TCF7L2: variants seen among roughly 807,000 people sequenced by gnomAD.
The protein encoded by TCF7L2 is transcription factor 7 like 2.
In TCF7L2, 23 loss-of-function variants were observed where a neutral mutation model predicts 77.9. That is an observed-to-expected ratio of 0.30 (90% CI 0.21 to 0.42). TCF7L2 has a LOEUF of 0.42. Among genes scored for constraint, TCF7L2 ranks in the 10% least tolerant of loss-of-function variants. The pLI is 1.00. For missense variants in TCF7L2, 654 were observed against 793.1 expected (o/e 0.82, Z 2.11); for synonymous variants, 413 against 340.2 (o/e 1.21, Z -2.36).
chr10:113,003,759 G>A (rs1165107458), intron 4 of TCF7L2, among the ~76,000 whole-genome samples: 2 of 152,226 alleles, frequency 1.3e-5, no homozygotes, highest in East Asian at 1.9e-4. Flanking sequence ...CCCACAGGCA[G>A]CGAGTATCAA....
intron 11 of TCF7L2, among the ~76,000 whole-genome samples, chr10:113,155,830 G>GGAGATGGTCCATTGCAGGCCCAT (rs1262790480): frequency 1.3e-5 from 2 of 152,244 alleles, no homozygotes; most frequent in African/African-American, 4.8e-5. Flanking sequence ...GCGCGGGCAT[G>GGAGATGGTCCATTGCAGGCCCAT]GAGATGGTCC....
chr10:113,025,880 ATTTT>A (rs369613114), intron 4 of TCF7L2, among the ~76,000 whole-genome samples: 1 of 143,542 alleles, frequency 7.0e-6, no homozygotes, highest in Non-Finnish European at 1.5e-5. Flanking sequence ...TTTTAAGTTA[ATTTT>A]TTTTTTTTTT....
intron 5 of TCF7L2, among the ~76,000 whole-genome samples, chr10:113,041,549 C>T (rs1025238551): frequency 6.6e-6 from 1 of 152,156 alleles, no homozygotes; most frequent in African/African-American, 2.4e-5. Context: ...TTCTCTCCTA[C>T]AGGAGGTGAA....
rs138209264 is a variant in TCF7L2 at position 113,167,046 on chromosome 10, G to C, written c.*1074G>C. The C allele has an allele frequency of 8.6e-4, 200 of 231,430 alleles. 3 individuals are homozygous for C. In the East Asian group the frequency reaches 0.012, roughly 14 times the overall value. The allele number at this position is 231,430 out of a possible 1,614,324, so 14.3% of individuals were successfully genotyped here. A position where few individuals can be genotyped will look rare whatever the true frequency, so the allele number is the denominator to read the frequency against. ...CCCTACCCTGCGCCCTTAGGACCCG[G>C]ACTGACCGTGTACAAAACTTTACGT... On this transcript the variant is annotated 3_prime_UTR_variant, in exon 14 of 14. Coordinates refer to ENST00000627217, the MANE Select transcript of TCF7L2 (RefSeq NM_001146274.2).
intron 5 of TCF7L2, among the ~76,000 whole-genome samples, chr10:113,085,624 G>A (rs566408516): frequency 2.6e-5 from 4 of 152,258 alleles, no homozygotes; most frequent in South Asian, 4.1e-4. Flanking sequence ...ATATTACTAC[G>A]ACTTTATGGG....
chr10:113,032,684 G>A (rs959146769), intron 4 of TCF7L2, among the ~76,000 whole-genome samples: 10 of 152,194 alleles, frequency 6.6e-5, no homozygotes, highest in African/African-American at 2.4e-4. Context: ...CGGTATGCTG[G>A]AGACCTAGAT....
At chr10:113,000,602 A>G (rs941151105) in intron 4 of TCF7L2, among the ~76,000 whole-genome samples, 5 of 152,202 alleles carry the variant, frequency 3.3e-5, no homozygotes, top group Admixed American at 2.0e-4. Context: ...AGTTTGGATG[A>G]TGGCTTTCCT....
At chr10:113,146,417 T>G (rs2069408507) in intron 8 of TCF7L2, among the ~76,000 whole-genome samples, 1 of 152,072 alleles carries the variant, frequency 6.6e-6, no homozygotes, top group Admixed American at 6.5e-5. Flanking sequence ...GCAAGAAAGG[T>G]AGCGGTGAAG....
At chr10:113,161,108 C>T (rs1171904227) in intron 13 of TCF7L2, 3 of 237,464 alleles carry the variant, frequency 1.3e-5, no homozygotes, top group East Asian at 9.9e-5. Flanking sequence ...CACTTAGAGT[C>T]GAGACACATG....
chr10:113,010,121 T>C (rs2133577840), intron 4 of TCF7L2, among the ~76,000 whole-genome samples: 1 of 152,228 alleles, frequency 6.6e-6, no homozygotes, highest in Admixed American at 6.5e-5. Flanking sequence ...CAATGTCCTA[T>C]AGAAGCTTGA....
intron 4 of TCF7L2, among the ~76,000 whole-genome samples, chr10:112,972,301 A>G (rs188937495): frequency 2.6e-5 from 4 of 152,328 alleles, no homozygotes; most frequent in African/African-American, 9.6e-5. Flanking sequence ...ATGTGAAGAC[A>G]GCCAGATACT....
intron 5 of TCF7L2, among the ~76,000 whole-genome samples, chr10:113,137,127 A>C (rs1283893069): frequency 1.3e-5 from 2 of 152,158 alleles, no homozygotes; most frequent in African/African-American, 4.8e-5. Context: ...TGGATTAATT[A>C]AATACCGCAT....
chr10:113,019,321 A>T (rs772820319), intron 4 of TCF7L2, among the ~76,000 whole-genome samples: 3 of 152,108 alleles, frequency 2.0e-5, no homozygotes, highest in African/African-American at 7.2e-5. Flanking sequence ...TTGACACAGT[A>T]ATAAAGGCAG....
At chr10:113,018,109 T>G (rs2047646802) in intron 4 of TCF7L2, among the ~76,000 whole-genome samples, 1 of 152,154 alleles carries the variant, frequency 6.6e-6, no homozygotes, top group Non-Finnish European at 1.5e-5. Flanking sequence ...TGCCCCTGAT[T>G]CCATCACTGA....
At chr10:113,060,787 G>A (rs2056307437) in intron 5 of TCF7L2, among the ~76,000 whole-genome samples, 1 of 152,010 alleles carries the variant, frequency 6.6e-6, no homozygotes, top group Non-Finnish European at 1.5e-5. Flanking sequence ...TTGGAAAGAG[G>A]CGCTGTGTCC....
At chr10:113,027,582 C>G (rs1314437593) in intron 4 of TCF7L2, among the ~76,000 whole-genome samples, 1 of 152,134 alleles carries the variant, frequency 6.6e-6, no homozygotes, top group Non-Finnish European at 1.5e-5. Context: ...TGGAATATCC[C>G]AGTGTTTCAC....
At chr10:113,076,195 T>C (rs2058679035) in intron 5 of TCF7L2, among the ~76,000 whole-genome samples, 1 of 150,508 alleles carries the variant, frequency 6.6e-6, no homozygotes, top group Admixed American at 6.6e-5. Context: ...TGGGATATAC[T>C]GACTTGATCA....
chr10:113,162,316 T>G (rs571316207), intron 13 of TCF7L2, among the ~76,000 whole-genome samples: 1 of 148,574 alleles, frequency 6.7e-6, no homozygotes, highest in South Asian at 2.1e-4. Flanking sequence ...ATTTTATTAA[T>G]GGGGTGGGTG....
chr10:112,970,461 G>A (rs2037996117), intron 4 of TCF7L2, among the ~76,000 whole-genome samples: 1 of 151,704 alleles, frequency 6.6e-6, no homozygotes, highest in African/African-American at 2.4e-5. Context: ...AATACTAACT[G>A]GAGAGTGTCC....
Sources: allele counts gnomAD v4.1 joint callset (sites outside exome capture counted in the v4.1 genomes callset), GRCh38; gene constraint gnomAD v4.1.1; transcripts MANE v1.5; gene names NCBI Gene and HGNC (gene_info 2026-07-23, HGNC 2026-07-21).